PAX5: variants seen among roughly 807,000 people sequenced by gnomAD.
PAX5 encodes paired box 5.
Under a neutral mutation model 43.7 loss-of-function variants are expected in PAX5, and 9 were observed. The ratio of observed to expected loss-of-function variants is 0.21; its 90% confidence interval spans 0.12 to 0.36. The LOEUF (loss-of-function observed/expected upper bound fraction) is 0.36, where lower values mean the gene tolerates loss of function less well. PAX5 is among the 10% of genes least tolerant of loss of function. The probability of loss-of-function intolerance (pLI) is 1.00; values close to 1 mark genes in which losing one functional copy is unlikely to be tolerated. For synonymous variants in PAX5, 228 were observed against 214.3 expected, an observed-to-expected ratio of 1.06 and a Z score of -0.56; for missense variants, 383 against 532.7, an observed-to-expected ratio of 0.72 and a Z score of 2.77.
intron 7 of PAX5, among the ~76,000 whole-genome samples, chr9:36,912,303 T>C (rs1829360488): frequency 6.6e-6 from 1 of 152,214 alleles, no homozygotes; most frequent in African/African-American, 2.4e-5. Flanking sequence ...CTCTGCAAGG[T>C]CCGCTCATAT....
intron 5 of PAX5, among the ~76,000 whole-genome samples, chr9:36,987,673 G>A (rs1836551521): frequency 6.6e-6 from 1 of 152,204 alleles, no homozygotes; most frequent in South Asian, 2.1e-4. Flanking sequence ...CTAGGAAGGA[G>A]TCATACACTG....
At chr9:37,002,984 G>T (rs71531242) in intron 4 of PAX5, 10,737 of 566,006 alleles carry the variant, frequency 0.019, 143 homozygotes, top group Non-Finnish European at 0.026. Flanking sequence ...TCTGCGATGG[G>T]GGGAGAAAGG....
chr9:37,019,957 G>A (rs954018170), intron 2 of PAX5, among the ~76,000 whole-genome samples: 2 of 152,300 alleles, frequency 1.3e-5, no homozygotes, highest in Middle Eastern at 3.4e-3. Flanking sequence ...GGATCATGCG[G>A]AGGCTACTGA....
chr9:36,932,094 A>G (rs1831179529), intron 6 of PAX5, among the ~76,000 whole-genome samples: 1 of 151,920 alleles, frequency 6.6e-6, no homozygotes, highest in African/African-American at 2.4e-5. Flanking sequence ...GGGCAACATA[A>G]CAAGACCCCA....
At chr9:36,899,786 C>G (rs1375994451) in intron 7 of PAX5, among the ~76,000 whole-genome samples, 1 of 152,216 alleles carries the variant, frequency 6.6e-6, no homozygotes, top group African/African-American at 2.4e-5. Context: ...CCCATGGCCT[C>G]CTGATCCAGC....
chr9:36,853,666 A>G (rs747389013), intron 8 of PAX5, among the ~76,000 whole-genome samples: 5 of 152,236 alleles, frequency 3.3e-5, no homozygotes, highest in Non-Finnish European at 7.3e-5. Flanking sequence ...CTGTCTTCCA[A>G]TATAGAAGAC....
rs529345320 is a variant in PAX5, at chr9:37,020,924, G to A, written c.47-123C>T. The A allele has an allele frequency of 2.1e-5, 20 of 957,734 alleles. No homozygotes were observed. In the Middle Eastern group the frequency reaches 9.6e-4, roughly 46 times the overall value. The allele number at this position is 957,734 out of a possible 1,614,324, so 59.3% of individuals were successfully genotyped here. A position where few individuals can be genotyped will look rare whatever the true frequency, so the allele number is the denominator to read the frequency against. ...AAATGGCCGGCAGGCTGGATGTCTC[G>A]CGCCTGGAGTCCAATCGTGCAAACT... On this transcript the variant is annotated intron_variant, in intron 1 of 9. Coordinates refer to ENST00000358127, the MANE Select transcript of PAX5 (RefSeq NM_016734.3).
At chr9:36,972,123 C>T (rs1268004686) in intron 5 of PAX5, among the ~76,000 whole-genome samples, 2 of 152,256 alleles carry the variant, frequency 1.3e-5, no homozygotes, top group African/African-American at 4.8e-5. Context: ...GTAACCCCAT[C>T]TGGAGGCTGA....
chr9:36,873,722 T>G (rs1440308449), intron 8 of PAX5, among the ~76,000 whole-genome samples: 1 of 152,132 alleles, frequency 6.6e-6, no homozygotes, highest in African/African-American at 2.4e-5. Flanking sequence ...CATCTGATGC[T>G]CAAATCCCCA....
chr9:36,861,563 T>C (rs542746003), intron 8 of PAX5, among the ~76,000 whole-genome samples: 4 of 151,226 alleles, frequency 2.6e-5, no homozygotes, highest in African/African-American at 4.9e-5. Flanking sequence ...ACTGAAAAGG[T>C]GACTTTTGAA....
rs778226344 is a variant in PAX5 at position 37,006,584 on chromosome 9, G to A, written c.411-47C>T. 14 of 1,467,598 alleles carry A rather than the reference G, an allele frequency of 9.5e-6. No homozygotes were observed. The East Asian group carries it at 3.2e-4, about 33-fold the overall frequency. The allele number at this position is 1,467,598 out of a possible 1,614,324, so 90.9% of individuals were successfully genotyped here. On this transcript the variant is annotated intron_variant, in intron 3 of 9. Coordinates refer to ENST00000358127, the MANE Select transcript of PAX5 (RefSeq NM_016734.3). ...AATTGCTATTTACCATCAGGAAGGA[G>A]AAGAGACCTCAACCAGCTATGCACA... is the stretch of plus-strand genomic sequence containing the variant.
chr9:36,883,780 C>CA (rs145459993), intron 7 of PAX5, among the ~76,000 whole-genome samples: 9,530 of 149,776 alleles, frequency 0.064, 336 homozygotes, highest in Middle Eastern at 0.16. Context: ...TATCAAGATT[C>CA]AAAAAAAAAG....
chr9:36,977,826 A>G lies in PAX5; in HGVS notation c.605-11102T>C, dbSNP rs150164540. Among the ~76,000 whole-genome samples, 155 of 152,360 alleles carry G rather than the reference A, an allele frequency of 1.0e-3. 1 individual carries two copies. Among genetic ancestry groups the G allele is most frequent in the African/African-American group, 3.3e-3 (139 of 41,576 alleles). On this transcript the variant is annotated intron_variant, in intron 5 of 9. Transcript: ENST00000358127. ...AAGTCTTAAGGATGGAGTTAGCCAAAGAAATGCCCAGGGAAGAGGAATTGC... is the reference window on the plus strand; with the variant it reads ...AAGTCTTAAGGATGGAGTTAGCCAAGGAAATGCCCAGGGAAGAGGAATTGC...
chr9:36,851,282 G>A (rs529586907), intron 8 of PAX5, among the ~76,000 whole-genome samples: 3 of 152,324 alleles, frequency 2.0e-5, no homozygotes, highest in East Asian at 1.9e-4. Context: ...GGCCCTAAAC[G>A]TAATTTGATA....
At chr9:36,901,013 C>T (rs1828342516) in intron 7 of PAX5, among the ~76,000 whole-genome samples, 1 of 152,186 alleles carries the variant, frequency 6.6e-6, no homozygotes, top group Non-Finnish European at 1.5e-5. Flanking sequence ...TTCCTCCATC[C>T]CCCTTTCCAC....
chr9:36,923,339 C>G lies in PAX5; in HGVS notation c.910+16G>C, dbSNP rs778029143. ...CTCTCTCCCTCACTCATCCCCCATG[C>G]CCCAGGTGCCCTCACCTGTCACAAT... On this transcript the variant is annotated intron_variant, in intron 7 of 9. Transcript: ENST00000358127. 6.2e-7 allele frequency: 1 copy of G among 1,606,684 alleles called. No homozygotes were observed.
intron 1 of PAX5, among the ~76,000 whole-genome samples, chr9:37,027,242 G>A (rs1170707362): frequency 6.6e-6 from 1 of 152,230 alleles, no homozygotes; most frequent in Non-Finnish European, 1.5e-5. Context: ...TTCCGCCCCT[G>A]ACGCTGGGGC....
At position 36,907,573 on chromosome 9, in the gene PAX5, C is replaced by T. The variant is rs185723405; in HGVS notation, c.910+15782G>A. ...AGATTCGCCCCCTAGCCCTGAGGAT[C>T]GGGGCTGTTCAGCCACACTGCTAGG... On this transcript the variant is annotated intron_variant, in intron 7 of 9. Coordinates refer to ENST00000358127, the MANE Select transcript of PAX5 (RefSeq NM_016734.3). Among the ~76,000 whole-genome samples, 6 of 152,302 alleles carry T rather than the reference C, an allele frequency of 3.9e-5. No individual in the cohort carries two copies. The East Asian group carries it at 9.7e-4, about 25-fold the overall frequency.
chr9:36,924,202 T>C (rs1563972446), intron 6 of PAX5, among the ~76,000 whole-genome samples: 1 of 152,208 alleles, frequency 6.6e-6, no homozygotes, highest in Non-Finnish European at 1.5e-5. Context: ...ACACCAACCA[T>C]GTGTATTTAG....
Sources: allele counts gnomAD v4.1 joint callset (sites outside exome capture counted in the v4.1 genomes callset), GRCh38; gene constraint gnomAD v4.1.1; transcripts MANE v1.5; gene names NCBI Gene and HGNC (gene_info 2026-07-23, HGNC 2026-07-21).